GREB1L: variants seen among roughly 807,000 people sequenced by gnomAD.
The protein encoded by GREB1L is GREB1-like protein.
GREB1L carries 17 observed loss-of-function variants against 200.8 expected under a neutral mutation model. The observed-to-expected ratio is 0.08, with a 90% CI of 0.06 to 0.13. GREB1L has a LOEUF of 0.13. GREB1L is among the 10% of genes least tolerant of loss of function. The pLI is 1.00. For missense variants in GREB1L, 1,657 were observed against 2,367.7 expected, an observed-to-expected ratio of 0.70 and a Z score of 6.23; for synonymous variants, 789 against 893.0, an observed-to-expected ratio of 0.88 and a Z score of 2.08.
intron 1 of GREB1L, among the ~76,000 whole-genome samples, chr18:21,331,983 TAG>T (rs1360585745): frequency 1.3e-5 from 2 of 152,258 alleles, no homozygotes; most frequent in Admixed American, 6.5e-5. Flanking sequence ...CTTTGAAAGT[TAG>T]AGACTCAATA....
intron 1 of GREB1L, among the ~76,000 whole-genome samples, chr18:21,248,908 G>C (rs1048144375): frequency 1.3e-5 from 2 of 152,152 alleles, no homozygotes; most frequent in Non-Finnish European, 2.9e-5. Context: ...AGTTCTGTTG[G>C]ACAGTGCTGG....
chr18:21,307,662 T>C (rs1432759489), intron 1 of GREB1L, among the ~76,000 whole-genome samples: 1 of 152,086 alleles, frequency 6.6e-6, no homozygotes, highest in Non-Finnish European at 1.5e-5. Flanking sequence ...TAAGTCTCCC[T>C]ACCCGGGAGG....
intron 1 of GREB1L, among the ~76,000 whole-genome samples, chr18:21,297,657 A>G (rs576524501): frequency 6.6e-6 from 1 of 152,198 alleles, no homozygotes; most frequent in Non-Finnish European, 1.5e-5. Context: ...GAGCATGGTC[A>G]TGCTTAAGAA....
chr18:21,307,482 A>G (rs1232411858), intron 1 of GREB1L, among the ~76,000 whole-genome samples: 1 of 152,214 alleles, frequency 6.6e-6, no homozygotes, highest in Non-Finnish European at 1.5e-5. Flanking sequence ...TTAATCAGCA[A>G]TACAGAATAA....
At chr18:21,382,197 T>C (rs900572431) in intron 2 of GREB1L, among the ~76,000 whole-genome samples, 5 of 151,892 alleles carry the variant, frequency 3.3e-5, no homozygotes, top group Admixed American at 6.6e-5. Context: ...ATACGAAAAT[T>C]AGCCTGGTAT....
At chr18:21,252,280 G>A (rs1478065444) in intron 1 of GREB1L, among the ~76,000 whole-genome samples, 5 of 152,210 alleles carry the variant, frequency 3.3e-5, no homozygotes, top group East Asian at 3.9e-4. Context: ...ATATTAGTCC[G>A]GGTGCAGTGG....
chr18:21,373,892 T>G (rs968311661), intron 2 of GREB1L, among the ~76,000 whole-genome samples: 2 of 152,250 alleles, frequency 1.3e-5, no homozygotes, highest in African/African-American at 2.4e-5. Context: ...TTTTTATATT[T>G]TAAATTGCTT....
chr18:21,486,130 G>A (rs575079121), intron 18 of GREB1L, among the ~76,000 whole-genome samples: 198 of 152,234 alleles, frequency 1.3e-3, no homozygotes, highest in African/African-American at 4.6e-3. Context: ...CGAGGCGGGC[G>A]GACCATGACA....
chr18:21,463,501 A>C (rs1336421545), intron 15 of GREB1L, among the ~76,000 whole-genome samples: 2 of 152,162 alleles, frequency 1.3e-5, no homozygotes, highest in African/African-American at 4.8e-5. Context: ...TTCAAATGTG[A>C]AATGGGAAAA....
At chr18:21,348,572 C>T (rs1291500779) in intron 1 of GREB1L, among the ~76,000 whole-genome samples, 18 of 151,704 alleles carry the variant, frequency 1.2e-4, no homozygotes, top group Admixed American at 3.3e-4. Context: ...GTCAGGAGTT[C>T]GAGACCAGCC....
chr18:21,467,136 AT>A (rs1452459990), intron 15 of GREB1L, among the ~76,000 whole-genome samples: 1 of 152,252 alleles, frequency 6.6e-6, no homozygotes, highest in African/African-American at 2.4e-5. Flanking sequence ...AAGATTTACA[AT>A]TACAAAATTC....
intron 7 of GREB1L, among the ~76,000 whole-genome samples, chr18:21,418,711 G>A (rs1446661921): frequency 6.6e-6 from 1 of 152,018 alleles, no homozygotes; most frequent in Admixed American, 6.6e-5. Context: ...TTTTATTAGA[G>A]ACAGGGTTTC....
At chr18:21,345,411 T>C (rs1290323673) in intron 1 of GREB1L, among the ~76,000 whole-genome samples, 1 of 152,204 alleles carries the variant, frequency 6.6e-6, no homozygotes, top group Admixed American at 6.5e-5. Flanking sequence ...ACGTTGTGTA[T>C]AATTGCATGA....
Position 21,335,684 on chromosome 18 carries a change from G to A in GREB1L, c.-119-30343G>A, listed in dbSNP as rs986445291. Among the ~76,000 whole-genome samples, 10 of 145,770 alleles carry A rather than the reference G, an allele frequency of 6.9e-5. No homozygotes were observed. In the Admixed American group the frequency reaches 6.9e-4, roughly 10 times the overall value. Reference sequence around the variant, plus strand: ...TTTTTTTCTTTTTTTTTTTTTTCGAGACAGAGTCTTGCTCTGTTGCCCAGG... The same window carrying A: ...TTTTTTTCTTTTTTTTTTTTTTCGAAACAGAGTCTTGCTCTGTTGCCCAGG... On this transcript the variant is annotated intron_variant, in intron 1 of 32. Coordinates refer to ENST00000424526, the MANE Select transcript of GREB1L (RefSeq NM_001142966.3).
chr18:21,270,938 A>G (rs751735129), intron 1 of GREB1L, among the ~76,000 whole-genome samples: 10 of 152,212 alleles, frequency 6.6e-5, no homozygotes, highest in African/African-American at 2.4e-4. Context: ...TCTCCATCTT[A>G]GTAATAAAAA....
At chr18:21,436,382 C>T (rs944075081) in intron 7 of GREB1L, among the ~76,000 whole-genome samples, 1 of 152,104 alleles carries the variant, frequency 6.6e-6, no homozygotes, top group African/African-American at 2.4e-5. Flanking sequence ...GCCTGTAAAC[C>T]CATCACTTTG....
At chr18:21,424,500 C>T (rs2032406462) in intron 7 of GREB1L, among the ~76,000 whole-genome samples, 1 of 151,968 alleles carries the variant, frequency 6.6e-6, no homozygotes, top group Admixed American at 6.6e-5. Flanking sequence ...ACCCAGGAGG[C>T]AGAGGTTACA....
intron 6 of GREB1L, among the ~76,000 whole-genome samples, chr18:21,403,262 A>T (rs904567143): frequency 5.3e-5 from 8 of 152,244 alleles, no homozygotes; most frequent in Admixed American, 2.0e-4. Context: ...CCAGAGGCCC[A>T]TTAATACTGG....
At chr18:21,516,922 GGA>G (rs1355906922) in intron 30 of GREB1L, among the ~76,000 whole-genome samples, 168 bp downstream of exon 30, 1 of 142,692 alleles carries the variant, frequency 7.0e-6, no homozygotes, top group Non-Finnish European at 1.5e-5. Context: ...TAGGCTGGAT[GGA>G]GAGCAGTGGC....
Sources: gnomAD v4.1 joint callset for allele counts (sites outside exome capture counted in the v4.1 genomes callset) on GRCh38, gnomAD v4.1.1 for gene constraint, MANE v1.5 for transcripts, NCBI Gene and HGNC (gene_info 2026-07-23, HGNC 2026-07-21) for gene names.